PCDH15: variants seen among roughly 807,000 people sequenced by gnomAD.
The protein encoded by PCDH15 is protocadherin-15.
Under a neutral mutation model 178.5 loss-of-function variants are expected in PCDH15, and 129 were observed. That is an observed-to-expected ratio of 0.72 (90% confidence interval 0.63 to 0.84). The LOEUF is 0.84. PCDH15 is among the 40% of genes least tolerant of loss of function. The pLI, the probability that PCDH15 is intolerant of heterozygous loss-of-function variation, is 0.00. For synonymous variants in PCDH15, 800 were observed against 732.0 expected (o/e 1.09, Z -1.50); for missense variants, 2,230 against 2,099.9 (o/e 1.06, Z -1.21).
chr10:54,155,918 A>T (rs1251119181), intron 13 of PCDH15, among the ~76,000 whole-genome samples: 1 of 152,156 alleles, frequency 6.6e-6, no homozygotes, highest in Admixed American at 6.5e-5. Context: ...TATGGCAAGA[A>T]TTTAATTCAA....
intron 2 of PCDH15, among the ~76,000 whole-genome samples, chr10:54,951,558 C>A (rs1369240867): frequency 6.6e-6 from 1 of 151,840 alleles, no homozygotes; most frequent in Non-Finnish European, 1.5e-5. Context: ...TTAGTTTTCA[C>A]CACATATGGG....
intron 2 of PCDH15, among the ~76,000 whole-genome samples, chr10:55,063,848 A>G (rs1364839637): frequency 2.0e-5 from 3 of 152,176 alleles, no homozygotes; most frequent in Non-Finnish European, 4.4e-5. Flanking sequence ...TGGGACTCCA[A>G]AGTTATCAGA....
chr10:54,787,535 A>G lies in PCDH15; in HGVS notation c.-29+13390T>C, dbSNP rs1325526148. ...GTTACTCTTAAGTATTCTCTTCTGC[A>G]AGGCAAGTTACACTACCTCTATATT... On this transcript the variant is annotated intron_variant, in intron 1 of 37. Transcript: ENST00000644397. Among the ~76,000 whole-genome samples, 5 of 151,994 alleles carry G rather than the reference A, an allele frequency of 3.3e-5. No individual in the cohort carries two copies. The East Asian group carries it at 9.7e-4, about 29-fold the overall frequency.
At chr10:55,374,812 A>C (rs1845582329) in intron 2 of PCDH15, among the ~76,000 whole-genome samples, 1 of 152,026 alleles carries the variant, frequency 6.6e-6, no homozygotes, top group Non-Finnish European at 1.5e-5. Flanking sequence ...CAGCCATTAC[A>C]CGGTACCTCA....
At chr10:55,366,900 G>A (rs538212175) in intron 2 of PCDH15, among the ~76,000 whole-genome samples, 1 of 145,120 alleles carries the variant, frequency 6.9e-6, no homozygotes, top group African/African-American at 2.6e-5. Flanking sequence ...GTGTTTGCAT[G>A]TGTGTGTGTT....
intron 3 of PCDH15, among the ~76,000 whole-genome samples, chr10:54,505,707 G>A (rs1383983440): frequency 1.3e-5 from 2 of 151,858 alleles, no homozygotes; most frequent in African/African-American, 2.4e-5. Flanking sequence ...ATGACGGGTC[G>A]ATGGGAGCAG....
intron 23 of PCDH15, among the ~76,000 whole-genome samples, chr10:53,956,643 C>T (rs1312711621): frequency 6.6e-6 from 1 of 152,022 alleles, no homozygotes; most frequent in Non-Finnish European, 1.5e-5. Flanking sequence ...TATGTGTGTA[C>T]AGTTGTGTAT....
chr10:55,053,884 C>G (rs1015016181), intron 2 of PCDH15, among the ~76,000 whole-genome samples: 15 of 152,170 alleles, frequency 9.9e-5, no homozygotes, highest in African/African-American at 3.6e-4. Flanking sequence ...GCATTAGTTT[C>G]TTAATTTACC....
chr10:55,458,996 T>C (rs1565159961), intron 2 of PCDH15, among the ~76,000 whole-genome samples: 1 of 151,962 alleles, frequency 6.6e-6, no homozygotes, highest in African/African-American at 2.4e-5. Flanking sequence ...TGAGAACAAG[T>C]ACAAAGTGAT....
intron 26 of PCDH15, among the ~76,000 whole-genome samples, chr10:53,892,278 G>A (rs868564326): frequency 1.3e-5 from 2 of 151,918 alleles, no homozygotes; most frequent in Non-Finnish European, 2.9e-5. Context: ...ACCCGCCCCG[G>A]CCTCCCAAAG....
rs558266775 is a variant in PCDH15, at chr10:55,585,804, A to T, written c.-156+41821T>A. 6.6e-5 allele frequency among the ~76,000 whole-genome samples: 10 copies of T among 152,092 alleles called. No individual in the cohort carries two copies. In the South Asian group the frequency reaches 2.1e-3, roughly 32 times the overall value. On this transcript the variant is annotated intron_variant, in intron 2 of 5. Transcript: ENST00000613346. ...GTATATATATATGAGAGAGAGATAG[A>T]CTGTTCTGTTAATTTTAAATAGAAT...
intron 1 of PCDH15, among the ~76,000 whole-genome samples, chr10:54,739,043 G>A (rs987405105): frequency 6.6e-6 from 1 of 151,888 alleles, no homozygotes; most frequent in Admixed American, 6.6e-5. Flanking sequence ...ATTCAACACA[G>A]CATTGGAAGT....
chr10:55,250,983 T>C (rs1360066010), intron 1 of PCDH15, among the ~76,000 whole-genome samples: 2 of 152,180 alleles, frequency 1.3e-5, no homozygotes, highest in African/African-American at 2.4e-5. Context: ...CTTGTTTCCA[T>C]TGCACTATTA....
At chr10:55,461,045 C>G (rs868080940) in intron 2 of PCDH15, among the ~76,000 whole-genome samples, 1 of 152,088 alleles carries the variant, frequency 6.6e-6, no homozygotes, top group African/African-American at 2.4e-5. Context: ...CTATTCTCAG[C>G]CCTGTGTTAG....
rs535279434 is a variant in PCDH15 at position 55,172,732 on chromosome 10, A to T, written c.-155-6081T>A. 7.4e-4 allele frequency among the ~76,000 whole-genome samples: 113 copies of T among 152,160 alleles called. 1 individual carries two copies. The highest frequency in any genetic ancestry group is 2.4e-3 in the African/African-American group (99 of 41,564). ...TTTATAGAATATTTATGGTATCATT[A>T]GGATGTAACAAAAAAACTAAAAAGT... On this transcript the variant is annotated intron_variant, in intron 1 of 5. Transcript: ENST00000458638.
At position 54,531,859 on chromosome 10, in the gene PCDH15, C is replaced by G. The variant is rs958997837; in HGVS notation, c.92-3982G>C. Among the ~76,000 whole-genome samples, 5 of 152,092 alleles carry G rather than the reference C, an allele frequency of 3.3e-5. No individual in the cohort carries two copies. In the East Asian group the frequency reaches 9.7e-4, roughly 29 times the overall value. The stretch of plus-strand genomic sequence containing the variant: ...AGCCCTCCAAATCGCATCCCAGTTG[C>G]TATCATAGCCGAAAACTGGATATTT... On this transcript the variant is annotated intron_variant, in intron 2 of 37. Transcript: ENST00000644397.
intron 2 of PCDH15, among the ~76,000 whole-genome samples, chr10:55,040,494 T>TACAACTACAACAACA (rs1554825143): frequency 1.3e-5 from 2 of 149,728 alleles, no homozygotes; most frequent in African/African-American, 4.9e-5. Flanking sequence ...CCAAAACAAC[T>TACAACTACAACAACA]ACAACAACAA....
chr10:55,088,076 A>G (rs547816831), intron 2 of PCDH15, among the ~76,000 whole-genome samples: 6 of 152,120 alleles, frequency 3.9e-5, no homozygotes, highest in African/African-American at 1.2e-4. Flanking sequence ...CCAAATATTA[A>G]TTGTCTGGCT....
rs1491086043 is a variant in PCDH15, at chr10:54,731,593, C to CAT, written c.-28-67305_-28-67304dup. Among the ~76,000 whole-genome samples the CAT allele has an allele frequency of 5.5e-4, 72 of 130,284 alleles. 1 individual carries two copies. The East Asian group carries it at 8.6e-3, about 16-fold the overall frequency. The allele number at this position is 130,284 out of a possible 152,430, so 85.5% of individuals were successfully genotyped here. ...ACACACACACACACACACACACACA[C>CAT]ATATATATATAGTTGAATATTGTTA... On this transcript the variant is annotated intron_variant, in intron 1 of 37. Coordinates refer to ENST00000644397, the MANE Select transcript of PCDH15 (RefSeq NM_001384140.1).
Sources: gnomAD v4.1 joint callset for allele counts (sites outside exome capture counted in the v4.1 genomes callset) on GRCh38, gnomAD v4.1.1 for gene constraint, MANE v1.5 for transcripts, NCBI Gene and HGNC (gene_info 2026-07-23, HGNC 2026-07-21) for gene names.